ESCO2: variants seen among roughly 807,000 people sequenced by gnomAD.
The protein encoded by ESCO2 is N-acetyltransferase ESCO2.
In ESCO2, 51 loss-of-function variants were observed where a neutral mutation model predicts 61.7. The observed-to-expected ratio is 0.83, with a 90% CI of 0.66 to 1.04. The LOEUF is 1.04. Ranked by LOEUF, ESCO2 falls within the 50% of genes least tolerant of loss-of-function variation. ESCO2 has a pLI of 0.00. For missense variants in ESCO2, 692 were observed against 686.2 expected (o/e 1.01, Z -0.09); for synonymous variants, 230 against 238.2 (o/e 0.97, Z 0.32).
At chr8:27,783,842 A>G (rs988108358) in intron 4 of ESCO2, among the ~76,000 whole-genome samples, 158 bp from the exon 5 acceptor site, 2 of 152,194 alleles carry the variant, frequency 1.3e-5, no homozygotes, top group South Asian at 2.1e-4. Flanking sequence ...GTCCAGCACC[A>G]TCTGTTGAGG....
downstream of ESCO2, among the ~76,000 whole-genome samples, chr8:27,815,350 A>G (rs2128961908): frequency 6.6e-6 from 1 of 152,326 alleles, no homozygotes; most frequent in East Asian, 1.9e-4. Flanking sequence ...CTAGGAGGGT[A>G]CCCAGTACCA....
At chr8:27,789,748 T>C (rs1245268935) in intron 7 of ESCO2, among the ~76,000 whole-genome samples, 1 of 147,466 alleles carries the variant, frequency 6.8e-6, no homozygotes, top group Non-Finnish European at 1.5e-5. Context: ...GCCACTGCAC[T>C]CTAGCCTGGG....
In ESCO2 at chr8:27,786,784, C is replaced by CT. The variant is rs11305882; in HGVS notation, c.1014-1084dup. ...TAATGCAGTGGAGCTAATGCTCCAC[C>CT]TTTTTTTTTTTTTTTTTCTACTTTG... On this transcript the variant is annotated intron_variant, in intron 5 of 10. Coordinates refer to ENST00000305188, the MANE Select transcript of ESCO2 (RefSeq NM_001017420.3). Among the ~76,000 whole-genome samples, 698 of 105,696 alleles carry CT rather than the reference C, an allele frequency of 6.6e-3. 12 individuals are homozygous for CT. The highest frequency in any genetic ancestry group is 0.02 in the African/African-American group (549 of 27,920). The allele number at this position is 105,696 out of a possible 152,430, so 69.3% of individuals were successfully genotyped here.
rs1805508129 is a variant in ESCO2, at chr8:27,803,883, A to G, written c.*445A>G. The G allele has an allele frequency of 3.0e-6, 3 of 990,274 alleles. No individual in the cohort carries two copies. Among genetic ancestry groups the G allele is most frequent in the Admixed American group, 6.1e-5 (1 of 16,528 alleles). 61.3% of individuals were successfully genotyped at this position (990,274 alleles called of 1,614,324 possible). A position where few individuals can be genotyped will look rare whatever the true frequency, so the allele number is the denominator to read the frequency against. On this transcript the variant is annotated 3_prime_UTR_variant, in exon 11 of 11. Transcript: ENST00000305188. ...CTTGGGCAAGTAATTTCTGTGCCCA[A>G]TTTGTAAAGGGAATTCCTGAATTTT...
chr8:27,792,362 T>C (rs1805196415), intron 8 of ESCO2, among the ~76,000 whole-genome samples: 1 of 152,200 alleles, frequency 6.6e-6, no homozygotes, highest in Admixed American at 6.5e-5. Context: ...TGAGGTTGAA[T>C]GTTTAGCCAC....
intron 9 of ESCO2, among the ~76,000 whole-genome samples, chr8:27,795,010 C>T (rs1321604625): frequency 6.6e-6 from 1 of 152,070 alleles, no homozygotes; most frequent in Non-Finnish European, 1.5e-5. Context: ...TTTGGAATCT[C>T]TTATGGTTCC....
chr8:27,811,316 T>C (rs144506074), downstream of ESCO2: 1,662 of 615,024 alleles, frequency 2.7e-3, 39 homozygotes, highest in East Asian at 0.039. Flanking sequence ...TTGGTAAATA[T>C]TCAAGAAGCT....
At chr8:27,788,045 C>A (rs1805087470) in intron 6 of ESCO2, 43 bp downstream of exon 6, 2 of 1,458,982 alleles carry the variant, frequency 1.4e-6, no homozygotes, top group African/African-American at 1.4e-5. Flanking sequence ...TAGCCCTTTG[C>A]AGAAAAGCTT....
At chr8:27,812,047 C>G (rs6997451), downstream of ESCO2, 11 of 151,892 alleles carry the variant, frequency 7.2e-5, no homozygotes, top group Non-Finnish European at 1.6e-4. Flanking sequence ...AGTTTCGTCT[C>G]CTTTCCAATT....
Position 27,802,976 on chromosome 8 carries a change from G to A in ESCO2, c.1674-330G>A, listed in dbSNP as rs28550337. On this transcript the variant is annotated intron_variant, in intron 10 of 10. Coordinates refer to ENST00000305188, the MANE Select transcript of ESCO2 (RefSeq NM_001017420.3). ...TAGGATAGTCTCGACCTCGTGATCC[G>A]TCCGCCTTGGCCTCCCAAAGTGCTG... Among the ~76,000 whole-genome samples, 21,231 of 151,664 alleles carry A rather than the reference G, an allele frequency of 0.14. 1,784 individuals are homozygous for A. The highest frequency in any genetic ancestry group is 0.34 in the East Asian group (1,717 of 5,084).
chr8:27,811,325 C>T, downstream of ESCO2: 1 of 610,882 alleles, frequency 1.6e-6, no homozygotes, highest in Non-Finnish European at 2.9e-6. Flanking sequence ...ATTCAAGAAG[C>T]TGGTCAGTTG....
In ESCO2 at chr8:27,803,504, C is replaced by A; in HGVS notation, c.*66C>A. 6.3e-7 allele frequency: 1 copy of A among 1,575,626 alleles called. No individual in the cohort carries two copies. On this transcript the variant is annotated 3_prime_UTR_variant, in exon 11 of 11. Coordinates refer to ENST00000305188, the MANE Select transcript of ESCO2 (RefSeq NM_001017420.3). Reference sequence around the variant, plus strand: ...TCAAAGAGCTCCTTATTATAAAATACAAACTATTTAATATCAAAATAAAAA... The same window carrying A: ...TCAAAGAGCTCCTTATTATAAAATAAAAACTATTTAATATCAAAATAAAAA...
downstream of ESCO2, among the ~76,000 whole-genome samples, chr8:27,813,681 G>C (rs1805748888): frequency 2.1e-5 from 3 of 144,544 alleles, no homozygotes; most frequent in South Asian, 4.5e-4. Flanking sequence ...CAAGTGTACA[G>C]TATTAACAAA....
downstream of ESCO2, among the ~76,000 whole-genome samples, chr8:27,813,313 T>G (rs923755191): frequency 7.2e-5 from 11 of 152,008 alleles, no homozygotes; most frequent in Non-Finnish European, 1.5e-4. Flanking sequence ...CCCTGGGGCC[T>G]GTCATGGGGT....
intron 10 of ESCO2, among the ~76,000 whole-genome samples, chr8:27,802,633 ATATATAT>A (rs1805466843): frequency 1.9e-5 from 1 of 53,848 alleles, no homozygotes; most frequent in Non-Finnish European, 3.3e-5. Context: ...AAAAAAAAAT[ATATATAT>A]ATATATATAT....
chr8:27,775,649 T>C lies in ESCO2; in HGVS notation c.53+82T>C, dbSNP rs1804773287. 4 of 1,421,572 alleles carry C rather than the reference T, an allele frequency of 2.8e-6. No individual in the cohort carries two copies. The South Asian group carries it at 4.6e-5, about 16-fold the overall frequency. 88.1% of individuals were successfully genotyped at this position (1,421,572 alleles called of 1,614,324 possible). On this transcript the variant is annotated intron_variant, in intron 2 of 10. Coordinates refer to ENST00000305188, the MANE Select transcript of ESCO2 (RefSeq NM_001017420.3). The stretch of plus-strand genomic sequence containing the variant: ...TGTTCTCTCCTATTTTCTAAAATTT[T>C]CGTTCTTCCACTAGCCTACTCCTTG...
chr8:27,790,937 A>G (rs1434298270), intron 7 of ESCO2, among the ~76,000 whole-genome samples: 2 of 152,210 alleles, frequency 1.3e-5, no homozygotes, highest in Non-Finnish European at 2.9e-5. Flanking sequence ...CTGTATAGTT[A>G]GGTAAGTTCC....
At chr8:27,809,432 G>T (rs568216736), downstream of ESCO2, among the ~76,000 whole-genome samples, 32 of 152,180 alleles carry the variant, frequency 2.1e-4, 1 homozygote, top group South Asian at 5.2e-3. Flanking sequence ...CCAAATGTAG[G>T]TATACCACCT....
chr8:27,777,349 A>G, intron 3 of ESCO2, 180 bp downstream of exon 3: 1 of 554,450 alleles, frequency 1.8e-6, no homozygotes, highest in Non-Finnish European at 2.9e-6. Flanking sequence ...TTTATGACCC[A>G]GGCTGTAGTG....
Sources: gnomAD v4.1 joint callset for allele counts (sites outside exome capture counted in the v4.1 genomes callset) on GRCh38, gnomAD v4.1.1 for gene constraint, MANE v1.5 for transcripts, NCBI Gene and HGNC (gene_info 2026-07-23, HGNC 2026-07-21) for gene names.